Variants in CA10 observed in about 807,000 individuals in gnomAD.
The protein encoded by CA10 is carbonic anhydrase 10 (inactive).
In CA10, 14 loss-of-function variants were observed where a neutral mutation model predicts 44.2. The observed-to-expected ratio is 0.32, with a 90% CI of 0.21 to 0.50. The LOEUF (loss-of-function observed/expected upper bound fraction) is 0.50. Among genes scored for constraint, CA10 ranks in the 20% least tolerant of loss-of-function variants. The pLI, the probability that CA10 is intolerant of heterozygous loss-of-function variation, is 0.99. For synonymous variants in CA10, 159 were observed against 141.6 expected, an observed-to-expected ratio of 1.12 and a Z score of -0.87; for missense variants, 350 against 409.7, an observed-to-expected ratio of 0.85 and a Z score of 1.26.
chr17:51,754,437 A>ATG lies in CA10; in HGVS notation c.280-6620_280-6619insCA, dbSNP rs1285551368. On this transcript the variant is annotated intron_variant, in intron 3 of 8. Coordinates refer to ENST00000451037, the MANE Select transcript of CA10 (RefSeq NM_020178.5). ...TATATATATATATATATATATATAT[A>ATG]TATATATATATCACGTAAAATAAAG... Among the ~76,000 whole-genome samples the ATG allele has an allele frequency of 5.4e-5, 7 of 129,266 alleles. No homozygotes were observed. In the East Asian group the frequency reaches 1.3e-3, roughly 24 times the overall value. The allele number at this position is 129,266 out of a possible 152,430, so 84.8% of individuals were successfully genotyped here. A position where few individuals can be genotyped will look rare whatever the true frequency, so the allele number is the denominator to read the frequency against.
intron 3 of CA10, among the ~76,000 whole-genome samples, chr17:51,903,084 T>C (rs1458112057): frequency 6.6e-6 from 1 of 152,154 alleles, no homozygotes; most frequent in Non-Finnish European, 1.5e-5. Context: ...TCAAGGATTA[T>C]CATCTAGTGG....
intron 3 of CA10, among the ~76,000 whole-genome samples, chr17:51,843,545 A>G (rs1184184546): frequency 6.6e-6 from 1 of 152,138 alleles, no homozygotes; most frequent in African/African-American, 2.4e-5. Context: ...CCTTGGAATC[A>G]AGGTACCAGA....
intron 4 of CA10, among the ~76,000 whole-genome samples, chr17:51,699,948 C>A (rs77498843): frequency 0.019 from 2,934 of 152,286 alleles, 92 homozygotes; most frequent in African/African-American, 0.068. Context: ...GTTTCCACAG[C>A]TGTTCCTTTA....
intron 2 of CA10, among the ~76,000 whole-genome samples, chr17:51,987,394 G>A (rs1278584388): frequency 2.0e-5 from 3 of 151,950 alleles, no homozygotes; most frequent in Admixed American, 6.6e-5. Context: ...GGAAGGGGGC[G>A]AGGGATAAAA....
At chr17:51,774,107 CTTG>C (rs958561586) in intron 3 of CA10, among the ~76,000 whole-genome samples, 10 of 152,178 alleles carry the variant, frequency 6.6e-5, no homozygotes, top group Non-Finnish European at 1.0e-4. Context: ...TTAATGTCCT[CTTG>C]TTGTCAAGAA....
intron 3 of CA10, among the ~76,000 whole-genome samples, chr17:51,771,038 C>T (rs936861514): frequency 9.7e-5 from 14 of 144,660 alleles, no homozygotes; most frequent in South Asian, 6.7e-4. Context: ...GCAGGAGAAT[C>T]GCTTGAACCC....
chr17:51,879,885 T>A (rs1980285123), intron 3 of CA10, among the ~76,000 whole-genome samples: 1 of 152,312 alleles, frequency 6.6e-6, no homozygotes, highest in South Asian at 2.1e-4. Context: ...TGAGTGAAGG[T>A]GTATTAATCA....
rs531038813 is a variant in CA10 at position 51,990,533 on chromosome 17, G to C, written c.137-59401C>G. ...CATAAAGGAAGTAGGAGAGGAGACA[G>C]TACAAAACTGAGATAATTCTAAGTC... On this transcript the variant is annotated intron_variant, in intron 2 of 8. Coordinates refer to ENST00000451037, the MANE Select transcript of CA10 (RefSeq NM_020178.5). 7.7e-4 allele frequency among the ~76,000 whole-genome samples: 117 copies of C among 152,106 alleles called. 1 individual carries two copies. The highest frequency in any genetic ancestry group is 1.4e-3 in the Non-Finnish European group (96 of 68,012).
At chr17:51,977,158 A>AGAG (rs146401171) in intron 2 of CA10, among the ~76,000 whole-genome samples, 6,466 of 152,042 alleles carry the variant, frequency 0.043, 477 homozygotes, top group African/African-American at 0.15. Flanking sequence ...TTCAGAGAAT[A>AGAG]GAGATGGAAA....
intron 4 of CA10, among the ~76,000 whole-genome samples, chr17:51,667,025 A>G (rs1306025829): frequency 2.0e-5 from 3 of 152,270 alleles, no homozygotes; most frequent in Non-Finnish European, 2.9e-5. Flanking sequence ...GGAAAAGTAT[A>G]AAAGCAATGA....
chr17:51,935,667 T>C (rs1982836951), intron 2 of CA10, among the ~76,000 whole-genome samples: 1 of 152,188 alleles, frequency 6.6e-6, no homozygotes, highest in African/African-American at 2.4e-5. Context: ...TTCTCTTGGC[T>C]CTGGGTCCAG....
At chr17:51,898,035 T>C (rs1041358655) in intron 3 of CA10, among the ~76,000 whole-genome samples, 1 of 152,152 alleles carries the variant, frequency 6.6e-6, no homozygotes, top group Non-Finnish European at 1.5e-5. Flanking sequence ...ACTTATGCTC[T>C]TCCTATTTGG....
intron 1 of CA10, among the ~76,000 whole-genome samples, chr17:52,138,663 C>T (rs1890613768): frequency 6.6e-6 from 1 of 152,116 alleles, no homozygotes; most frequent in South Asian, 2.1e-4. Flanking sequence ...TTCTGGATAC[C>T]AATGGTGTAT....
intron 1 of CA10, among the ~76,000 whole-genome samples, chr17:52,100,661 C>T (rs1180717039): frequency 3.9e-5 from 6 of 152,144 alleles, no homozygotes; most frequent in African/African-American, 1.4e-4. Context: ...CCATTTCTGA[C>T]ACTTAAAATG....
chr17:52,116,646 G>A (rs1988904128), intron 1 of CA10, among the ~76,000 whole-genome samples: 2 of 152,146 alleles, frequency 1.3e-5, no homozygotes, highest in South Asian at 4.1e-4. Context: ...AAAGAGAAAG[G>A]GACCAGGGGT....
At chr17:51,788,082 C>A (rs922636592) in intron 3 of CA10, among the ~76,000 whole-genome samples, 1 of 152,046 alleles carries the variant, frequency 6.6e-6, no homozygotes, top group Non-Finnish European at 1.5e-5. Flanking sequence ...TTTTTTGATG[C>A]AGGCACTTGG....
chr17:52,083,351 G>A (rs73987408), intron 1 of CA10, among the ~76,000 whole-genome samples: 9,673 of 152,036 alleles, frequency 0.064, 319 homozygotes, highest in South Asian at 0.12. Context: ...GGCACCCTGG[G>A]GTTAAATCAC....
chr17:51,798,764 G>A (rs1906813193), intron 3 of CA10, among the ~76,000 whole-genome samples: 1 of 152,234 alleles, frequency 6.6e-6, no homozygotes, highest in Non-Finnish European at 1.5e-5. Flanking sequence ...GACTTGGAGG[G>A]ATAATAAAAC....
chr17:51,763,800 A>C (rs1345612287), intron 3 of CA10, among the ~76,000 whole-genome samples: 1 of 152,108 alleles, frequency 6.6e-6, no homozygotes, highest in Non-Finnish European at 1.5e-5. Context: ...CACCTCTGAC[A>C]TACACTCATT....
Sources: allele counts gnomAD v4.1 joint callset (sites outside exome capture counted in the v4.1 genomes callset), GRCh38; gene constraint gnomAD v4.1.1; transcripts MANE v1.5; gene names NCBI Gene and HGNC (gene_info 2026-07-23, HGNC 2026-07-21).